Variants in AGBL4 observed in about 807,000 individuals in gnomAD.
AGBL4 encodes cytosolic carboxypeptidase 6.
AGBL4 carries 58 observed loss-of-function variants against 66.4 expected under a neutral mutation model. That is an observed-to-expected ratio of 0.87 (90% CI 0.71 to 1.09). The LOEUF is 1.09. Among genes scored for constraint, AGBL4 ranks in the 50% least tolerant of loss-of-function variants. The pLI is 0.00. For missense variants in AGBL4, 579 were observed against 631.0 expected (o/e 0.92, Z 0.88); for synonymous variants, 234 against 222.9 (o/e 1.05, Z -0.44).
At chr1:49,159,353 T>C (rs573354370) in intron 4 of AGBL4, among the ~76,000 whole-genome samples, 1 of 152,340 alleles carries the variant, frequency 6.6e-6, no homozygotes, top group East Asian at 1.9e-4. Flanking sequence ...AAATTCTGGG[T>C]TGAAAATTCT....
intron 6 of AGBL4, among the ~76,000 whole-genome samples, chr1:48,741,707 CAG>C (rs770842733): frequency 5.9e-5 from 9 of 152,224 alleles, no homozygotes; most frequent in Admixed American, 1.3e-4. Context: ...ATCAACCTAA[CAG>C]AGAATGATAC....
Position 48,925,132 on chromosome 1 carries a change from G to GTA in AGBL4, c.595-57904_595-57903dup, listed in dbSNP as rs139981191. Among the ~76,000 whole-genome samples, 516 of 143,084 alleles carry GTA rather than the reference G, an allele frequency of 3.6e-3. 2 individuals carry two copies. Among genetic ancestry groups the GTA allele is most frequent in the African/African-American group, 0.011 (436 of 39,884 alleles). 93.9% of individuals were successfully genotyped at this position (143,084 alleles called of 152,430 possible). Reference sequence around the variant, plus strand: ...AACCATTGTAAGCTGAGGACCATCTGTATATATATATATACATACACACAC... The same window carrying GTA: ...AACCATTGTAAGCTGAGGACCATCTGTATATATATATATATACATACACACAC... On this transcript the variant is annotated intron_variant, in intron 5 of 13. Coordinates refer to ENST00000371839, the MANE Select transcript of AGBL4 (RefSeq NM_032785.4).
intron 3 of AGBL4, among the ~76,000 whole-genome samples, chr1:49,440,068 A>C (rs1013244667): frequency 5.1e-5 from 5 of 97,358 alleles, no homozygotes; most frequent in African/African-American, 2.3e-4. Flanking sequence ...TAAGGACTCT[A>C]CTTTTTTTTT....
chr1:49,244,424 G>A (rs1283824920), intron 4 of AGBL4, among the ~76,000 whole-genome samples: 2 of 151,680 alleles, frequency 1.3e-5, no homozygotes, highest in African/African-American at 2.4e-5. Flanking sequence ...TTTGATACAG[G>A]AAAGCAAAAA....
intron 3 of AGBL4, among the ~76,000 whole-genome samples, chr1:49,617,538 A>G (rs1271698859): frequency 1.3e-5 from 2 of 152,196 alleles, no homozygotes; most frequent in Non-Finnish European, 2.9e-5. Flanking sequence ...TCTAAAGTTT[A>G]TGTTCTTACA....
intron 3 of AGBL4, among the ~76,000 whole-genome samples, chr1:49,583,323 G>A (rs1465709005): frequency 1.3e-5 from 2 of 152,150 alleles, no homozygotes; most frequent in Non-Finnish European, 2.9e-5. Context: ...TGCTCAGGAC[G>A]CTTCCAGACC....
At chr1:48,913,736 A>G (rs1653350261) in intron 5 of AGBL4, among the ~76,000 whole-genome samples, 1 of 152,198 alleles carries the variant, frequency 6.6e-6, no homozygotes. Context: ...AATAGAAATA[A>G]AGTGCACAAA....
chr1:49,773,773 G>C (rs1360342427), intron 2 of AGBL4, among the ~76,000 whole-genome samples: 1 of 152,172 alleles, frequency 6.6e-6, no homozygotes, highest in Non-Finnish European at 1.5e-5. Context: ...CAACGGAGTG[G>C]TGCTACTTCT....
intron 2 of AGBL4, among the ~76,000 whole-genome samples, chr1:49,839,849 T>G (rs1645945466): frequency 6.6e-6 from 1 of 152,234 alleles, no homozygotes; most frequent in Admixed American, 6.5e-5. Context: ...TACTTTCTCC[T>G]ATTATAATTC....
chr1:49,409,213 A>G (rs755249333), intron 3 of AGBL4, among the ~76,000 whole-genome samples: 13 of 151,874 alleles, frequency 8.6e-5, no homozygotes, highest in Non-Finnish European at 1.9e-4. Flanking sequence ...ATTGATACCA[A>G]TACTTTTTGT....
intron 1 of AGBL4, among the ~76,000 whole-genome samples, chr1:49,861,640 G>A (rs910085036): frequency 6.6e-6 from 1 of 152,032 alleles, no homozygotes; most frequent in South Asian, 2.1e-4. Context: ...CTGTTATCTT[G>A]GATTTGAGCT....
intron 3 of AGBL4, among the ~76,000 whole-genome samples, chr1:49,534,171 CAAAAAAAAA>C (rs71059553): frequency 3.0e-5 from 2 of 67,062 alleles, no homozygotes; most frequent in Admixed American, 2.3e-4. Context: ...CACCATTTTA[CAAAAAAAAA>C]AAAAAAAAAA....
At chr1:48,727,722 G>T (rs1385152) in intron 6 of AGBL4, 407,869 of 489,940 alleles carry the variant, frequency 0.83, 170,830 homozygotes, top group Middle Eastern at 0.92. Flanking sequence ...GCCATCTGTC[G>T]TCTTTGGAGT....
At chr1:48,536,430 A>T (rs1353904125) in intron 12 of AGBL4, among the ~76,000 whole-genome samples, 1 of 152,212 alleles carries the variant, frequency 6.6e-6, no homozygotes, top group Admixed American at 6.5e-5. Flanking sequence ...ATGGGGAGCC[A>T]TAGAAGGTTT....
At chr1:48,579,648 C>T (rs867702172) in intron 11 of AGBL4, among the ~76,000 whole-genome samples, 8 of 150,780 alleles carry the variant, frequency 5.3e-5, no homozygotes, top group South Asian at 2.1e-4. Flanking sequence ...TGGTGGCTCA[C>T]GCCTGTAATC....
intron 3 of AGBL4, among the ~76,000 whole-genome samples, chr1:49,370,909 T>C (rs1443516355): frequency 6.6e-6 from 1 of 152,184 alleles, no homozygotes; most frequent in Non-Finnish European, 1.5e-5. Flanking sequence ...TTGCGTAGAT[T>C]ACCTTCCATA....
intron 3 of AGBL4, among the ~76,000 whole-genome samples, chr1:49,619,939 C>A (rs562880311): frequency 6.6e-6 from 1 of 152,088 alleles, no homozygotes; most frequent in African/African-American, 2.4e-5. Context: ...TGAAACTGGA[C>A]CCCTTCCCTA....
chr1:49,992,408 C>G (rs977135903), intron 1 of AGBL4, among the ~76,000 whole-genome samples: 5 of 151,970 alleles, frequency 3.3e-5, no homozygotes, highest in African/African-American at 1.2e-4. Flanking sequence ...TTGAAATGTC[C>G]CCTATGTCAC....
chr1:48,640,296 T>A (rs1237898239), intron 8 of AGBL4, among the ~76,000 whole-genome samples: 1 of 152,216 alleles, frequency 6.6e-6, no homozygotes, highest in East Asian at 1.9e-4. Flanking sequence ...CTTCCTCTAA[T>A]CTGTGAACTC....
Sources: allele counts gnomAD v4.1 joint callset (sites outside exome capture counted in the v4.1 genomes callset), GRCh38; gene constraint gnomAD v4.1.1; transcripts MANE v1.5; gene names NCBI Gene and HGNC (gene_info 2026-07-23, HGNC 2026-07-21).